Variants in PXDNL observed in about 807,000 individuals in gnomAD.
The protein encoded by PXDNL is probable oxidoreductase PXDNL.
In PXDNL, 145 loss-of-function variants were observed where a neutral mutation model predicts 150.8. That is an observed-to-expected ratio of 0.96 (90% confidence interval 0.84 to 1.10). The LOEUF is 1.10. Ranked by LOEUF, PXDNL falls within the 50% of genes least tolerant of loss-of-function variation. PXDNL has a pLI of 0.00. For synonymous variants in PXDNL, 757 were observed against 725.7 expected (o/e 1.04, Z -0.69); for missense variants, 2,087 against 1,873.9 (o/e 1.11, Z -2.10).
At chr8:51,575,833 T>C (rs574314218) in intron 3 of PXDNL, among the ~76,000 whole-genome samples, 1 of 151,428 alleles carries the variant, frequency 6.6e-6, no homozygotes, top group African/African-American at 2.4e-5. Context: ...AAAAGTTAGG[T>C]CATGCAAACA....
At chr8:51,402,584 T>C (rs930850802) in intron 17 of PXDNL, among the ~76,000 whole-genome samples, 1 of 152,112 alleles carries the variant, frequency 6.6e-6, no homozygotes, top group Non-Finnish European at 1.5e-5. Context: ...ACAAATAAAC[T>C]TATACTTACT....
Position 51,492,073 on chromosome 8 carries a change from T to G in PXDNL, c.452+7626A>C, listed in dbSNP as rs534320591. On this transcript the variant is annotated intron_variant, in intron 5 of 22. Coordinates refer to ENST00000356297, the MANE Select transcript of PXDNL (RefSeq NM_144651.5). ...CTATACTTCTATAGGCAAATGAGGT[T>G]GCAGTAACTGCATAAGAAAGTGGTT... Among the ~76,000 whole-genome samples, 371 of 152,366 alleles carry G rather than the reference T, an allele frequency of 2.4e-3. 2 individuals are homozygous for G. The highest frequency in any genetic ancestry group is 7.6e-3 in the African/African-American group (318 of 41,592).
intron 5 of PXDNL, among the ~76,000 whole-genome samples, chr8:51,496,763 C>A (rs942565327): frequency 6.6e-6 from 1 of 152,106 alleles, no homozygotes; most frequent in Non-Finnish European, 1.5e-5. Flanking sequence ...GAACTACAAA[C>A]CACTGCTCAA....
At chr8:51,801,801 G>A (rs2037623959) in intron 1 of PXDNL, among the ~76,000 whole-genome samples, 1 of 152,236 alleles carries the variant, frequency 6.6e-6, no homozygotes, top group Middle Eastern at 3.4e-3. Flanking sequence ...AATAAGCTGA[G>A]GTCATTCTAT....
intron 4 of PXDNL, among the ~76,000 whole-genome samples, chr8:51,504,948 C>A (rs1585533183): frequency 6.6e-6 from 1 of 152,166 alleles, no homozygotes; most frequent in South Asian, 2.1e-4. Context: ...TGGGGAAGAA[C>A]CATCCCAAAC....
At chr8:51,510,360 A>G (rs1389469959) in intron 4 of PXDNL, among the ~76,000 whole-genome samples, 1 of 152,200 alleles carries the variant, frequency 6.6e-6, no homozygotes, top group East Asian at 1.9e-4. Context: ...AGTTTCTGGA[A>G]AAATTGAATT....
At chr8:51,613,484 C>T (rs60955837) in intron 2 of PXDNL, among the ~76,000 whole-genome samples, 1,851 of 34,344 alleles carry the variant, frequency 0.054, 55 homozygotes, top group Middle Eastern at 0.18. Context: ...CTTAAGGGGG[C>T]GGGGGGGGGG....
intron 20 of PXDNL, among the ~76,000 whole-genome samples, chr8:51,344,716 T>C (rs1458072947): frequency 1.3e-5 from 2 of 152,224 alleles, no homozygotes; most frequent in African/African-American, 4.8e-5. Context: ...AGAATGTGTG[T>C]TACAGAATGC....
At chr8:51,775,744 C>G (rs1389541026) in intron 1 of PXDNL, among the ~76,000 whole-genome samples, 1 of 152,078 alleles carries the variant, frequency 6.6e-6, no homozygotes, top group Non-Finnish European at 1.5e-5. Context: ...CCTCAGGACC[C>G]TGTGATGATT....
At chr8:51,658,605 G>A (rs900357881) in intron 1 of PXDNL, among the ~76,000 whole-genome samples, 3 of 152,040 alleles carry the variant, frequency 2.0e-5, no homozygotes, top group Admixed American at 6.6e-5. Context: ...TTGCATACAG[G>A]GCCTTGCACA....
intron 21 of PXDNL, among the ~76,000 whole-genome samples, chr8:51,331,211 G>A (rs959815168): frequency 3.9e-5 from 6 of 152,146 alleles, no homozygotes; most frequent in Admixed American, 2.6e-4. Context: ...ACCCCCACTG[G>A]AGAAGCTTAA....
intron 6 of PXDNL, among the ~76,000 whole-genome samples, chr8:51,482,237 T>A (rs985209194): frequency 6.6e-6 from 1 of 152,178 alleles, no homozygotes; most frequent in African/African-American, 2.4e-5. Flanking sequence ...ATTTTGGAGC[T>A]TTAAGATTTG....
intron 5 of PXDNL, among the ~76,000 whole-genome samples, chr8:51,486,996 T>C (rs1810781210): frequency 6.6e-6 from 1 of 151,356 alleles, no homozygotes. Context: ...GGTTTCACCA[T>C]GTTGGCCAGA....
At chr8:51,588,691 G>A (rs1051759306) in intron 3 of PXDNL, among the ~76,000 whole-genome samples, 1 of 152,104 alleles carries the variant, frequency 6.6e-6, no homozygotes, top group Non-Finnish European at 1.5e-5. Flanking sequence ...AGCCATAAAG[G>A]TTCTTGTTTT....
intron 1 of PXDNL, among the ~76,000 whole-genome samples, chr8:51,683,422 C>A (rs1202013477): frequency 6.6e-6 from 1 of 151,312 alleles, no homozygotes; most frequent in African/African-American, 2.4e-5. Context: ...CAGATTTTTG[C>A]TTCTTTTTGC....
At chr8:51,494,857 A>G (rs1163571673) in intron 5 of PXDNL, among the ~76,000 whole-genome samples, 1 of 151,996 alleles carries the variant, frequency 6.6e-6, no homozygotes, top group South Asian at 2.1e-4. Flanking sequence ...CACTGTCAAC[A>G]TTAGACAGAT....
intron 1 of PXDNL, among the ~76,000 whole-genome samples, chr8:51,727,057 T>C (rs546844423): frequency 6.6e-6 from 1 of 152,330 alleles, no homozygotes; most frequent in Non-Finnish European, 1.5e-5. Flanking sequence ...GTCTAACTAC[T>C]CCATTTGTAC....
intron 2 of PXDNL, among the ~76,000 whole-genome samples, chr8:51,603,242 T>C (rs1034996769): frequency 2.6e-5 from 4 of 151,936 alleles, no homozygotes; most frequent in African/African-American, 9.7e-5. Context: ...TGATTAATTT[T>C]AAAGATTTTT....
chr8:51,727,561 C>A (rs775577970), intron 1 of PXDNL, among the ~76,000 whole-genome samples: 1 of 152,074 alleles, frequency 6.6e-6, no homozygotes, highest in Non-Finnish European at 1.5e-5. Flanking sequence ...TAAGAGGAGA[C>A]CCTTGGCCTA....
Sources: allele counts gnomAD v4.1 joint callset (sites outside exome capture counted in the v4.1 genomes callset), GRCh38; gene constraint gnomAD v4.1.1; transcripts MANE v1.5; gene names NCBI Gene and HGNC (gene_info 2026-07-23, HGNC 2026-07-21).